The following BCL6 variants were observed in gnomAD, a reference collection of about 807,000 sequenced individuals.
BCL6 encodes B-cell lymphoma 6 protein.
A neutral mutation model predicts 59.5 loss-of-function variants in BCL6; 7 were observed. The observed-to-expected ratio is 0.12, with a 90% CI of 0.07 to 0.22. The LOEUF is 0.22. BCL6 is among the 10% of genes least tolerant of loss of function. The pLI is 1.00. For synonymous variants in BCL6, 339 were observed against 349.7 expected, an observed-to-expected ratio of 0.97 and a Z score of 0.34; for missense variants, 685 against 939.4, an observed-to-expected ratio of 0.73 and a Z score of 3.54.
chr3:187,732,191 G>C (rs1719080764), intron 3 of BCL6, among the ~76,000 whole-genome samples: 1 of 152,122 alleles, frequency 6.6e-6, no homozygotes, highest in South Asian at 2.1e-4. Context: ...TAAGATCAGG[G>C]GGGTTAAGTG....
At chr3:187,728,932 A>G (rs1236821237) in intron 5 of BCL6, 118 bp downstream of exon 5, 2 of 1,344,938 alleles carry the variant, frequency 1.5e-6, no homozygotes, top group African/African-American at 1.5e-5. Context: ...AACTCAATCT[A>G]TAGGCACTGA....
At position 187,729,335 on chromosome 3, in the gene BCL6, T is replaced by C. The variant is rs1718901514; in HGVS notation, c.1070A>G (p.Gln357Arg). The C allele has an allele frequency of 6.2e-7, 1 of 1,613,936 alleles. No individual in the cohort carries two copies. Among genetic ancestry groups the C allele is most frequent in the Admixed American group, 1.7e-5 (1 of 60,010 alleles). Residue 357 changes from glutamine to arginine, a missense_variant, in exon 5 of 10, where the codon CAG (glutamine) becomes CGG (arginine). Physicochemically the swap from Gln to Arg is conservative, Grantham distance 43 (BLOSUM62 1). This residue lies in a region of BCL6 where 28 missense variants were observed against 66.4 expected (regional missense o/e 0.42). Transcript: ENST00000406870. The surrounding 1 kb of genome is among the most constrained non-coding windows in gnomAD (Gnocchi z 5.6). ...CTTGGCTGGAGGGGAGCCAGAAGCC[T>C]GGAGGATGCAGGCATTCTTACTGCT... ...SCSSKNACIL[Q>R]ASGSPPAKSP...
chr3:187,743,749 C>T (rs990571299), intron 1 of BCL6, among the ~76,000 whole-genome samples: 2 of 150,878 alleles, frequency 1.3e-5, no homozygotes, highest in Non-Finnish European at 3.0e-5. Flanking sequence ...TCCCCGCCCG[C>T]CCCCGGAGCT....
At position 187,725,278 on chromosome 3, in the gene BCL6, A is replaced by G. The variant is rs1228878483; in HGVS notation, c.1840-200T>C. Among the ~76,000 whole-genome samples the G allele has an allele frequency of 8.1e-5, 11 of 136,614 alleles. No individual in the cohort carries two copies. Among genetic ancestry groups the G allele is most frequent in the East Asian group, 4.4e-4 (2 of 4,524 alleles). 89.6% of individuals were successfully genotyped at this position (136,614 alleles called of 152,430 possible). On this transcript the variant is annotated intron_variant, in intron 8 of 9. Coordinates refer to ENST00000406870, the MANE Select transcript of BCL6 (RefSeq NM_001706.5). The surrounding 1 kb of genome is among the most constrained non-coding windows in gnomAD (Gnocchi z 4.7). ...GCTCACCTGCCCACTCTGCTCACCT[A>G]CCCGCTCTGCTCACCTGCCCGCTCT... is the stretch of plus-strand genomic sequence containing the variant.
intron 4 of BCL6, among the ~76,000 whole-genome samples, chr3:187,730,271 T>C (rs982728888): frequency 7.9e-5 from 12 of 152,212 alleles, no homozygotes; most frequent in Non-Finnish European, 1.6e-4. Flanking sequence ...TGATTAGACA[T>C]AATCTTGTAT....
Position 187,722,055 on chromosome 3 carries a change from T to G in BCL6, c.*403A>C, listed in dbSNP as rs1201456763. 4.4e-6 allele frequency: 1 copy of G among 228,670 alleles called. No individual in the cohort carries two copies. The highest frequency in any genetic ancestry group is 8.7e-6 in the Non-Finnish European group (1 of 115,344). The allele number at this position is 228,670 out of a possible 1,614,324, so 14.2% of individuals were successfully genotyped here. On this transcript the variant is annotated 3_prime_UTR_variant, in exon 10 of 10. Transcript: ENST00000406870. ...CCCTCTCTTTGACAACATACTGAAG[T>G]CTTGTCTTTTAAAAGAATGCACATT...
chr3:187,744,249 A>G (rs1430711173), intron 1 of BCL6, among the ~76,000 whole-genome samples: 2 of 152,124 alleles, frequency 1.3e-5, no homozygotes, highest in East Asian at 1.9e-4. Flanking sequence ...TCGTTCTCCC[A>G]GGCTGTCCTG....
intron 5 of BCL6, 93 bp from the exon 6 acceptor site, chr3:187,728,637 G>T: frequency 7.8e-7 from 1 of 1,284,128 alleles, no homozygotes; most frequent in Non-Finnish European, 1.1e-6. Flanking sequence ...AGAGGCCAGA[G>T]CTGGGCTGCC....
At position 187,725,750 on chromosome 3, in the gene BCL6, C is replaced by G; in HGVS notation, c.1709-121G>C. 7.9e-7 allele frequency: 1 copy of G among 1,271,624 alleles called. No individual in the cohort carries two copies. The highest frequency in any genetic ancestry group is 1.1e-6 in the Non-Finnish European group (1 of 924,924). The allele number at this position is 1,271,624 out of a possible 1,614,324, so 78.8% of individuals were successfully genotyped here. A position where few individuals can be genotyped will look rare whatever the true frequency, so the allele number is the denominator to read the frequency against. On this transcript the variant is annotated intron_variant, in intron 7 of 9. Transcript: ENST00000406870. The surrounding 1 kb of genome is among the most constrained non-coding windows in gnomAD (Gnocchi z 4.7). ...CTGAGGCCACTTGTGTTTTCCTTTC[C>G]CTTAGGGAATGTGAGAGAGAGAATC...
chr3:187,741,176 TTTAA>T (rs1244710588), intron 1 of BCL6, among the ~76,000 whole-genome samples: 1 of 152,110 alleles, frequency 6.6e-6, no homozygotes, highest in Non-Finnish European at 1.5e-5. Context: ...CTAGAAAACA[TTTAA>T]TTTAGTGTAT....
At chr3:187,743,100 A>C in intron 1 of BCL6, among the ~76,000 whole-genome samples, 1 of 152,102 alleles carries the variant, frequency 6.6e-6, no homozygotes, top group East Asian at 1.9e-4. Flanking sequence ...CTGTAGAGGA[A>C]GCCGGTGGCA....
At chr3:187,741,923 C>A (rs1711611669) in intron 1 of BCL6, among the ~76,000 whole-genome samples, 1 of 152,094 alleles carries the variant, frequency 6.6e-6, no homozygotes, top group Non-Finnish European at 1.5e-5. Flanking sequence ...GAAGGCCGGG[C>A]TACCTCCGCC....
chr3:187,725,451 C>CCCACTCCT lies in BCL6; in HGVS notation c.1839+47_1839+48insAGGAGTGG. 1.9e-6 allele frequency: 3 copies of CCCACTCCT among 1,550,364 alleles called. No individual in the cohort carries two copies. The highest frequency in any genetic ancestry group is 2.6e-6 in the Non-Finnish European group (3 of 1,152,388). ...GCCTGCCCACTCCTCCGCTCGCCTG[C>CCCACTCCT]CCGCTCCGCTCGCCTGCCCGCTCCG... On this transcript the variant is annotated intron_variant, in intron 8 of 9. Transcript: ENST00000406870. The surrounding 1 kb of genome is among the most constrained non-coding windows in gnomAD (Gnocchi z 4.7).
chr3:187,733,776 G>T (rs951634238), intron 2 of BCL6, 73 bp from the exon 3 acceptor site: 2 of 1,548,790 alleles, frequency 1.3e-6, no homozygotes, highest in East Asian at 2.3e-5. Flanking sequence ...ATCAGAGCAG[G>T]TGGCTTAGCC....
intron 1 of BCL6, among the ~76,000 whole-genome samples, chr3:187,745,049 T>G (rs1418215745): frequency 1.3e-5 from 2 of 150,840 alleles, no homozygotes; most frequent in African/African-American, 4.9e-5. Context: ...CCACCTCCTT[T>G]CCAAAAACCA....
In BCL6 at chr3:187,728,364, G is replaced by A. The variant is rs1279792434; in HGVS notation, c.1536C>T (p.Ser512=). The A allele has an allele frequency of 1.9e-6, 3 of 1,588,740 alleles. No individual in the cohort carries two copies. The highest frequency in any genetic ancestry group is 2.3e-5 in the East Asian group (1 of 44,088). The change falls in exon 6 of 10, where the codon AGC becomes AGT. Residue 512 remains serine (S), a synonymous_variant. Transcript: ENST00000406870. ...GETQSEYSDS[S]CENGAFFCNE... ...GAGGGAGGGAAAAGGACTCACCACA[G>A]CTAGAATCTGAGTACTCAGACTGGG... is the stretch of plus-strand genomic sequence containing the variant.
At chr3:187,744,982 A>ACGG in intron 1 of BCL6, among the ~76,000 whole-genome samples, 1 of 151,670 alleles carries the variant, frequency 6.6e-6, no homozygotes, top group East Asian at 2.0e-4. Flanking sequence ...TCACCCCCCA[A>ACGG]GCACTGTCTC....
In BCL6 at chr3:187,729,935, T is replaced by A; in HGVS notation, c.470A>T (p.Tyr157Phe). 6.2e-7 allele frequency: 1 copy of A among 1,613,886 alleles called. No individual in the cohort carries two copies. Among genetic ancestry groups the A allele is most frequent in the Non-Finnish European group, 8.5e-7 (1 of 1,179,886 alleles). The change falls in exon 5 of 10, where the codon TAT becomes TTT. Residue 157 changes from tyrosine to phenylalanine, a missense_variant. Around this residue, in one of 7 missense-constraint regions of BCL6, gnomAD observed 268 missense variants for 263.8 expected, o/e 1.02. Coordinates refer to ENST00000406870, the MANE Select transcript of BCL6 (RefSeq NM_001706.5). This position sits in a 1 kb window ranked among gnomAD's most constrained non-coding sequence, Gnocchi z 5.6. ...GTTCTCCACCACCTCACGACCCCGATAGGCCATGATGTCTTGGGGCATCAG... is the reference window on the plus strand; with the variant it reads ...GTTCTCCACCACCTCACGACCCCGAAAGGCCATGATGTCTTGGGGCATCAG... ...RMLMPQDIMA[Y>F]RGREVVENNL... is the part of the protein sequence containing the mutation.
At chr3:187,728,289 G>A (rs1560149185) in intron 6 of BCL6, 71 bp downstream of exon 6, 31 of 1,409,180 alleles carry the variant, frequency 2.2e-5, no homozygotes, top group Non-Finnish European at 2.8e-5. Context: ...TAAGTAAAAT[G>A]GAGCACAAAA....
Sources: allele counts gnomAD v4.1 joint callset (sites outside exome capture counted in the v4.1 genomes callset), GRCh38; gene constraint gnomAD v4.1.1; regional missense constraint gnomAD v4.1.1; non-coding constraint Gnocchi (gnomAD v3.1); transcripts MANE v1.5; gene names NCBI Gene and HGNC (gene_info 2026-07-23, HGNC 2026-07-21).